HS6ST3: variants seen among roughly 807,000 people sequenced by gnomAD.
The protein encoded by HS6ST3 is heparan sulfate 6-O-sulfotransferase 3.
HS6ST3 carries 12 observed loss-of-function variants against 36.7 expected under a neutral mutation model. That is an observed-to-expected ratio of 0.33 (90% CI 0.21 to 0.53). The LOEUF (loss-of-function observed/expected upper bound fraction) is 0.53, where lower values mean the gene tolerates loss of function less well. Among genes scored for constraint, HS6ST3 ranks in the 20% least tolerant of loss-of-function variants. The pLI is 0.95. For missense variants in HS6ST3, 584 were observed against 640.9 expected (o/e 0.91, Z 0.96); for synonymous variants, 240 against 257.5 (o/e 0.93, Z 0.65).
intron 1 of HS6ST3, among the ~76,000 whole-genome samples, chr13:96,544,585 T>A (rs1158711739): frequency 6.6e-6 from 1 of 152,204 alleles, no homozygotes; most frequent in Non-Finnish European, 1.5e-5. Flanking sequence ...AAATCATTAT[T>A]ACCTTTATTT....
At chr13:96,733,531 T>C (rs1234299498) in intron 1 of HS6ST3, among the ~76,000 whole-genome samples, 3 of 152,192 alleles carry the variant, frequency 2.0e-5, no homozygotes, top group Non-Finnish European at 2.9e-5. Flanking sequence ...GCTATCTTAT[T>C]CCAGGTAGTG....
chr13:96,343,187 C>T (rs1414874194), intron 1 of HS6ST3, among the ~76,000 whole-genome samples: 1 of 152,200 alleles, frequency 6.6e-6, no homozygotes, highest in Non-Finnish European at 1.5e-5. Flanking sequence ...TATGAGTTTA[C>T]TGCTGCTGTT....
intron 1 of HS6ST3, among the ~76,000 whole-genome samples, chr13:96,257,535 A>G (rs1351433863): frequency 6.6e-6 from 1 of 152,198 alleles, no homozygotes; most frequent in Non-Finnish European, 1.5e-5. Context: ...TTGACAAGTT[A>G]CTTAATTTTT....
intron 1 of HS6ST3, among the ~76,000 whole-genome samples, chr13:96,825,916 C>T (rs747063271): frequency 6.6e-6 from 1 of 152,218 alleles, no homozygotes; most frequent in African/African-American, 2.4e-5. Flanking sequence ...CTCTACCACA[C>T]CTGTGCAGTA....
intron 1 of HS6ST3, among the ~76,000 whole-genome samples, chr13:96,708,809 G>A (rs1408287623): frequency 1.3e-5 from 2 of 152,152 alleles, no homozygotes; most frequent in African/African-American, 4.8e-5. Context: ...ACAAAGGAAT[G>A]GAAAGGCGAT....
At chr13:96,147,993 A>G (rs373617088) in intron 1 of HS6ST3, among the ~76,000 whole-genome samples, 1 of 152,298 alleles carries the variant, frequency 6.6e-6, no homozygotes, top group East Asian at 1.9e-4. Context: ...TGATTTCACC[A>G]CCACCACTGT....
chr13:96,260,036 G>A (rs1216471788), intron 1 of HS6ST3, among the ~76,000 whole-genome samples: 1 of 151,974 alleles, frequency 6.6e-6, no homozygotes, highest in African/African-American at 2.4e-5. Flanking sequence ...AACACAAAAT[G>A]AGTCAATAAT....
At position 96,091,186 on chromosome 13, in the gene HS6ST3, C is replaced by T. The variant is rs570109434; in HGVS notation, c.324C>T (p.Asp108=). ...AGGGGGAGGAAGAGGAGGAGGAAGA[C>T]GAGCCGGACCCCGAGGCCCCGGAAA... The part of the protein sequence containing the change: ...PREGEEEEEE[D]EPDPEAPENG... The change falls in exon 1 of 2, where the codon GAC becomes GAT. Residue 108 remains aspartate (D), a synonymous_variant. Coordinates refer to ENST00000376705, the MANE Select transcript of HS6ST3 (RefSeq NM_153456.4). 3.2e-6 allele frequency: 5 copies of T among 1,552,470 alleles called. No individual in the cohort carries two copies. Among genetic ancestry groups the T allele is most frequent in the Admixed American group, 2.0e-5 (1 of 51,214 alleles).
intron 1 of HS6ST3, among the ~76,000 whole-genome samples, chr13:96,609,959 T>C (rs1335317778): frequency 6.6e-6 from 1 of 152,218 alleles, no homozygotes; most frequent in African/African-American, 2.4e-5. Flanking sequence ...TAGGTAAACC[T>C]CATAAGAACA....
intron 1 of HS6ST3, among the ~76,000 whole-genome samples, chr13:96,715,285 A>T (rs966749204): frequency 1.3e-5 from 2 of 152,130 alleles, no homozygotes; most frequent in East Asian, 3.9e-4. Flanking sequence ...CATTCAAATG[A>T]ATGAAGAACC....
At chr13:96,534,975 A>G (rs777913858) in intron 1 of HS6ST3, among the ~76,000 whole-genome samples, 5 of 152,100 alleles carry the variant, frequency 3.3e-5, no homozygotes, top group Non-Finnish European at 7.3e-5. Flanking sequence ...CAAACAAACA[A>G]AAAAAGAGGA....
chr13:96,765,606 C>G (rs1270782246), intron 1 of HS6ST3, among the ~76,000 whole-genome samples: 1 of 151,772 alleles, frequency 6.6e-6, no homozygotes, highest in Non-Finnish European at 1.5e-5. Context: ...CTCTCTCTCT[C>G]TCTCTCTCTC....
At position 96,413,022 on chromosome 13, in the gene HS6ST3, A is replaced by G. The variant is rs1418486683; in HGVS notation, c.707+321453A>G. Among the ~76,000 whole-genome samples, 4 of 152,072 alleles carry G rather than the reference A, an allele frequency of 2.6e-5. No homozygotes were observed. The South Asian group carries it at 8.3e-4, about 31-fold the overall frequency. On this transcript the variant is annotated intron_variant, in intron 1 of 1. Coordinates refer to ENST00000376705, the MANE Select transcript of HS6ST3 (RefSeq NM_153456.4). ...TCCCCTTCTTCCTGTGTTACTTTCT[A>G]TCTACTCCCAAGAGTAAAAATGGAC...
intron 1 of HS6ST3, among the ~76,000 whole-genome samples, chr13:96,799,999 T>TATAG: frequency 1.2e-5 from 1 of 81,072 alleles, no homozygotes; most frequent in Non-Finnish European, 2.2e-5. Flanking sequence ...TATATATATG[T>TATAG]ATATATATAT....
At chr13:96,767,601 TG>T (rs1465711183) in intron 1 of HS6ST3, among the ~76,000 whole-genome samples, 11 of 152,166 alleles carry the variant, frequency 7.2e-5, no homozygotes, top group Non-Finnish European at 1.0e-4. Flanking sequence ...GAAATAAAAC[TG>T]GTTTGTGGAT....
intron 1 of HS6ST3, among the ~76,000 whole-genome samples, chr13:96,093,563 T>C (rs1165806309): frequency 5.7e-5 from 2 of 35,292 alleles, no homozygotes; most frequent in African/African-American, 1.7e-4. Context: ...TGTTCTGGTT[T>C]CCTTTCTTTC....
At chr13:96,148,497 G>A (rs937229286) in intron 1 of HS6ST3, among the ~76,000 whole-genome samples, 2 of 152,048 alleles carry the variant, frequency 1.3e-5, no homozygotes, top group Admixed American at 6.6e-5. Flanking sequence ...TTCTGACTTC[G>A]GACCTGCAGA....
At chr13:96,671,950 A>G (rs2056684143) in intron 1 of HS6ST3, among the ~76,000 whole-genome samples, 1 of 152,178 alleles carries the variant, frequency 6.6e-6, no homozygotes, top group South Asian at 2.1e-4. Flanking sequence ...GTGGTTTTAA[A>G]AGTTAGAATA....
At chr13:96,183,115 T>C (rs1476663731) in intron 1 of HS6ST3, among the ~76,000 whole-genome samples, 1 of 152,234 alleles carries the variant, frequency 6.6e-6, no homozygotes, top group Non-Finnish European at 1.5e-5. Context: ...ACAATCATTT[T>C]CATAACCTCC....
Sources: allele counts gnomAD v4.1 joint callset (sites outside exome capture counted in the v4.1 genomes callset), GRCh38; gene constraint gnomAD v4.1.1; transcripts MANE v1.5; gene names NCBI Gene and HGNC (gene_info 2026-07-23, HGNC 2026-07-21).